SNX1: variants seen among roughly 807,000 people sequenced by gnomAD.
SNX1 encodes sorting nexin-1.
SNX1 carries 36 observed loss-of-function variants against 71.8 expected under a neutral mutation model. That is an observed-to-expected ratio of 0.50 (90% CI 0.38 to 0.66). The LOEUF (loss-of-function observed/expected upper bound fraction) is 0.66. SNX1 is among the 30% of genes least tolerant of loss of function. SNX1 has a pLI of 0.00. For missense variants in SNX1, 612 were observed against 646.7 expected, an observed-to-expected ratio of 0.95 and a Z score of 0.58; for synonymous variants, 254 against 240.7, an observed-to-expected ratio of 1.06 and a Z score of -0.51.
intron 1 of SNX1, among the ~76,000 whole-genome samples, chr15:64,110,007 T>C (rs1041436786): frequency 6.6e-6 from 1 of 152,132 alleles, no homozygotes; most frequent in Non-Finnish European, 1.5e-5. Flanking sequence ...GATTTATATA[T>C]AGGATGGGTC....
chr15:64,112,393 G>A (rs1441128342), intron 1 of SNX1, among the ~76,000 whole-genome samples, 180 bp from the exon 2 acceptor site: 1 of 152,184 alleles, frequency 6.6e-6, no homozygotes, highest in Non-Finnish European at 1.5e-5. Context: ...ACCCTAAAAT[G>A]TATGGACTTA....
At chr15:64,131,101 G>A (rs931126263) in intron 10 of SNX1, among the ~76,000 whole-genome samples, 3 of 152,162 alleles carry the variant, frequency 2.0e-5, no homozygotes, top group Admixed American at 6.5e-5. Flanking sequence ...TGGCCAAGAT[G>A]GTGAAACCCT....
chr15:64,105,626 C>T (rs1400078095), intron 1 of SNX1, among the ~76,000 whole-genome samples: 1 of 152,138 alleles, frequency 6.6e-6, no homozygotes, highest in African/African-American at 2.4e-5. Context: ...GAAGGTAATC[C>T]ACCCATTAAT....
intron 1 of SNX1, 57 bp downstream of exon 1, chr15:64,096,229 G>A: frequency 6.6e-7 from 1 of 1,522,432 alleles, no homozygotes; most frequent in Non-Finnish European, 8.8e-7. Flanking sequence ...GGGAAGAGAG[G>A]CTAAGCGAGA....
rs1187830736 is a variant in SNX1 at position 64,134,679 on chromosome 15, C to T, written c.1237C>T (p.Arg413Cys). Residue 413 changes from arginine to cysteine, a missense_variant, in exon 12 of 15, where the codon CGC (arginine) becomes TGC (cysteine). Transcript: ENST00000559844. This position sits in a 1 kb window ranked among gnomAD's most constrained non-coding sequence, Gnocchi z 4.1. ...ACCCCCACAGGCTGCCTTCGACCAG[C>T]GCATGAAGACATGGCAGCGCTGGCA... Reference protein sequence around the residue: ...LAIVRAAFDQRMKTWQRWQDA... With the variant: ...LAIVRAAFDQCMKTWQRWQDA... 6 of 1,612,566 alleles carry T rather than the reference C, an allele frequency of 3.7e-6. No homozygotes were observed. Among genetic ancestry groups the T allele is most frequent in the African/African-American group, 2.7e-5 (2 of 74,898 alleles).
chr15:64,123,542 C>T lies in SNX1; in HGVS notation c.506C>T (p.Thr169Ile). 6.2e-7 allele frequency: 1 copy of T among 1,613,528 alleles called. No individual in the cohort carries two copies. Among genetic ancestry groups the T allele is most frequent in the South Asian group, 1.1e-5 (1 of 91,028 alleles). The change falls in exon 5 of 15, where the codon ACA (threonine) becomes ATA (isoleucine). Residue 169 changes from threonine (T) to isoleucine (I), a missense_variant. This residue lies in a region of SNX1 where 316 missense variants were observed against 284.9 expected (regional missense o/e 1.11). Coordinates refer to ENST00000559844, the MANE Select transcript of SNX1 (RefSeq NM_003099.5). The part of the protein sequence containing the change: ...MNAYVAYKVT[T>I]QTSLPLFRSK... The stretch of plus-strand genomic sequence containing the variant: ...GCATATGTAGCCTACAAAGTTACAA[C>T]ACAGGTGAGTCCAGGTGACCCTGCT...
intron 1 of SNX1, among the ~76,000 whole-genome samples, chr15:64,110,584 T>A (rs2081068856): frequency 6.6e-6 from 1 of 152,148 alleles, no homozygotes; most frequent in Admixed American, 6.5e-5. Context: ...ATTTTTTTTT[T>A]AGAGACAGGG....
intron 1 of SNX1, among the ~76,000 whole-genome samples, 164 bp from the exon 2 acceptor site, chr15:64,112,409 G>T (rs2081085940): frequency 6.6e-6 from 1 of 152,154 alleles, no homozygotes; most frequent in African/African-American, 2.4e-5. Flanking sequence ...ACTTATTTTT[G>T]CTCTGTCATG....
chr15:64,110,113 G>GAGTTCAGTA (rs2081064220), intron 1 of SNX1, among the ~76,000 whole-genome samples: 1 of 152,220 alleles, frequency 6.6e-6, no homozygotes, highest in African/African-American at 2.4e-5. Flanking sequence ...CTAAAAGTGG[G>GAGTTCAGTA]ATTTTTGTAC....
intron 1 of SNX1, 42 bp downstream of exon 1, chr15:64,096,214 C>G: frequency 6.5e-7 from 1 of 1,536,780 alleles, no homozygotes; most frequent in South Asian, 1.2e-5. Context: ...GAGGGCACCC[C>G]GAAAGGGAAG....
At chr15:64,102,032 C>T (rs1344468050) in intron 1 of SNX1, among the ~76,000 whole-genome samples, 1 of 151,838 alleles carries the variant, frequency 6.6e-6, no homozygotes, top group Non-Finnish European at 1.5e-5. Flanking sequence ...GTCAACTAAA[C>T]ATAAAAAGAA....
chr15:64,120,266 C>CTTTT (rs35526278), intron 4 of SNX1, among the ~76,000 whole-genome samples: 5 of 67,072 alleles, frequency 7.5e-5, no homozygotes, highest in African/African-American at 1.7e-4. Context: ...AAATGGTTGT[C>CTTTT]TTTTTTTTTT....
At position 64,126,177 on chromosome 15, in the gene SNX1, G is replaced by C; in HGVS notation, c.609G>C (p.Gln203His). 1 of 1,614,152 alleles carries C rather than the reference G, an allele frequency of 6.2e-7. No individual in the cohort carries two copies. The change falls in exon 6 of 15, where the codon CAG (glutamine) becomes CAC (histidine). Residue 203 changes from glutamine (Q) to histidine (H), a missense_variant. Transcript: ENST00000559844. ...AGAAGCTTTCCGAGAAGCACTCTCAGAATGGCTTCATTGTCCCTCCGCCCC... is the reference window on the plus strand; with the variant it reads ...AGAAGCTTTCCGAGAAGCACTCTCACAATGGCTTCATTGTCCCTCCGCCCC... ...LYEKLSEKHS[Q>H]NGFIVPPPPE...
intron 1 of SNX1, among the ~76,000 whole-genome samples, chr15:64,101,675 C>T (rs2080963237): frequency 6.6e-6 from 1 of 152,240 alleles, no homozygotes; most frequent in South Asian, 2.1e-4. Flanking sequence ...GTTTGAAGAA[C>T]CTCCATACTG....
rs1260902841 is a variant in SNX1 at position 64,136,318 on chromosome 15, C to G, written c.1366-12C>G. The G allele has an allele frequency of 6.2e-7, 1 of 1,609,396 alleles. No individual in the cohort carries two copies. Among genetic ancestry groups the G allele is most frequent in the East Asian group, 2.2e-5 (1 of 44,860 alleles). ...AATATGAGGTGATCCTTTCTTTCCT[C>G]TTTCTTCCCAGTGGGAGTCTCGGGT... On this transcript the variant is annotated splice_polypyrimidine_tract_variant and intron_variant, in intron 12 of 14. Coordinates refer to ENST00000559844, the MANE Select transcript of SNX1 (RefSeq NM_003099.5).
intron 1 of SNX1, among the ~76,000 whole-genome samples, chr15:64,096,383 G>A (rs1274430129): frequency 6.6e-6 from 1 of 152,196 alleles, no homozygotes; most frequent in Non-Finnish European, 1.5e-5. Context: ...GAGGGTTGTG[G>A]TGCCTTCGTC....
chr15:64,141,048 AGATTGATT>A lies in SNX1; in HGVS notation c.*3435_*3442del, dbSNP rs893939607. Reference sequence around the variant, plus strand: ...AGATGATAGATATAGATAGATAGATAGATTGATTGATTTGTAGAAACAAGATAGGTTAG... The same window carrying A: ...AGATGATAGATATAGATAGATAGATAGATTTGTAGAAACAAGATAGGTTAG... On this transcript the variant is annotated 3_prime_UTR_variant, in exon 15 of 15. Transcript: ENST00000559844. The surrounding 1 kb of genome is among the most constrained non-coding windows in gnomAD (Gnocchi z 5.1). 20 of 139,844 alleles carry A rather than the reference AGATTGATT, an allele frequency of 1.4e-4. No homozygotes were observed. Among genetic ancestry groups the A allele is most frequent in the African/African-American group, 6.1e-4 (20 of 32,852 alleles). 8.7% of individuals were successfully genotyped at this position (139,844 alleles called of 1,614,324 possible).
In SNX1 at chr15:64,119,737, A is replaced by AACAC. The variant is rs1555491445; in HGVS notation, c.466+897_466+900dup. 6.4e-3 allele frequency among the ~76,000 whole-genome samples: 897 copies of AACAC among 141,096 alleles called. 6 individuals carry two copies. The highest frequency in any genetic ancestry group is 0.011 in the Non-Finnish European group (708 of 64,770). The allele number at this position is 141,096 out of a possible 152,430, so 92.6% of individuals were successfully genotyped here. On this transcript the variant is annotated intron_variant, in intron 4 of 14. Transcript: ENST00000559844. ...AGACTGTGTCTTAAAAAAAAAAAAA[A>AACAC]ACACACACACACACACAAAAAACAT... is the stretch of plus-strand genomic sequence containing the variant.
At chr15:64,130,966 C>T in intron 10 of SNX1, among the ~76,000 whole-genome samples, 1 of 152,234 alleles carries the variant, frequency 6.6e-6, no homozygotes, top group African/African-American at 2.4e-5. Context: ...CTGTAGCAGA[C>T]TATGTGTAGC....
Sources: allele counts gnomAD v4.1 joint callset (sites outside exome capture counted in the v4.1 genomes callset), GRCh38; gene constraint gnomAD v4.1.1; regional missense constraint gnomAD v4.1.1; non-coding constraint Gnocchi (gnomAD v3.1); transcripts MANE v1.5; gene names NCBI Gene and HGNC (gene_info 2026-07-23, HGNC 2026-07-21).